MTDH: variants seen among roughly 807,000 people sequenced by gnomAD.
The protein encoded by MTDH is protein LYRIC.
MTDH carries 34 observed loss-of-function variants against 72.7 expected under a neutral mutation model. That is an observed-to-expected ratio of 0.47 (90% confidence interval 0.36 to 0.62). The LOEUF is 0.62. MTDH is among the 20% of genes least tolerant of loss of function. The pLI is 0.00. For synonymous variants in MTDH, 266 were observed against 268.9 expected, an observed-to-expected ratio of 0.99 and a Z score of 0.10; for missense variants, 677 against 699.4, an observed-to-expected ratio of 0.97 and a Z score of 0.36.
At chr8:97,675,832 A>G (rs560847442) in intron 2 of MTDH, among the ~76,000 whole-genome samples, 1 of 151,960 alleles carries the variant, frequency 6.6e-6, no homozygotes, top group Non-Finnish European at 1.5e-5. Context: ...AGATCATGCC[A>G]CTGCACTCCA....
Position 97,644,731 on chromosome 8 carries a change from C to G in MTDH, c.225C>G (p.Cys75Trp). 1 of 1,578,160 alleles carries G rather than the reference C, an allele frequency of 6.3e-7. No homozygotes were observed. The highest frequency in any genetic ancestry group is 2.4e-5 in the East Asian group (1 of 41,166). Residue 75 changes from cysteine to tryptophan, a missense_variant, in exon 1 of 12, where the codon TGC becomes TGG. Physicochemically the swap from Cys to Trp is radical, Grantham distance 215. Coordinates refer to ENST00000336273, the MANE Select transcript of MTDH (RefSeq NM_178812.4). ...FLLGYGWAAA[C>W]AGARKKRRSP... is the part of the protein sequence containing the mutation. ...TGGGCTACGGCTGGGCCGCGGCTTG[C>G]GCCGGCGCCCGCAAAAAGCGGAGGA... is the stretch of plus-strand genomic sequence containing the variant.
chr8:97,694,777 G>A (rs929257113), intron 6 of MTDH, among the ~76,000 whole-genome samples: 28 of 151,746 alleles, frequency 1.8e-4, no homozygotes, highest in African/African-American at 5.1e-4. Context: ...CAAAAAAATC[G>A]CTGGGCATGG....
In MTDH at chr8:97,730,024, G is replaced by C. The variant is rs139940371; in HGVS notation, c.*5354G>C. 6.6e-6 allele frequency among the ~76,000 whole-genome samples: 1 copy of C among 152,282 alleles called. No homozygotes were observed. Among genetic ancestry groups the C allele is most frequent in the Non-Finnish European group, 1.5e-5 (1 of 68,020 alleles). On this transcript the variant is annotated 3_prime_UTR_variant, in exon 12 of 12. Coordinates refer to ENST00000336273, the MANE Select transcript of MTDH (RefSeq NM_178812.4). ...CGATGATTTCTAACCCTAGCATCAT[G>C]ACATGTATATAGTGTGTTGTAAGAC...
At chr8:97,664,805 G>A (rs1370671784) in intron 2 of MTDH, among the ~76,000 whole-genome samples, 2 of 145,390 alleles carry the variant, frequency 1.4e-5, no homozygotes, top group Admixed American at 7.1e-5. Context: ...CTTGTTGCCC[G>A]GGCTGGAGTG....
intron 2 of MTDH, among the ~76,000 whole-genome samples, chr8:97,664,917 C>T (rs1238448108): frequency 6.6e-6 from 1 of 152,106 alleles, no homozygotes; most frequent in Middle Eastern, 3.2e-3. Context: ...CGCACCACCA[C>T]GCCCAGCTAT....
chr8:97,676,188 C>G (rs1320313720), intron 2 of MTDH, among the ~76,000 whole-genome samples: 1 of 152,190 alleles, frequency 6.6e-6, no homozygotes, highest in African/African-American at 2.4e-5. Context: ...GTTCCTCCCA[C>G]CTCTGTCTCC....
chr8:97,678,186 T>C (rs1165342551), intron 2 of MTDH, among the ~76,000 whole-genome samples: 2 of 152,204 alleles, frequency 1.3e-5, no homozygotes, highest in African/African-American at 2.4e-5. Flanking sequence ...TAAAGAGATA[T>C]CCACAAAGAT....
At chr8:97,653,506 T>C (rs1052695412) in intron 1 of MTDH, among the ~76,000 whole-genome samples, 43 of 152,164 alleles carry the variant, frequency 2.8e-4, no homozygotes, top group Admixed American at 2.0e-3. Context: ...GTGACAGGAT[T>C]TTTTCATCTT....
rs1363194842 is a variant in MTDH at position 97,697,129 on chromosome 8, A to AATAT, written c.1049-2606_1049-2603dup. Among the ~76,000 whole-genome samples the AATAT allele has an allele frequency of 3.5e-5, 3 of 85,764 alleles. 1 individual carries two copies. The highest frequency in any genetic ancestry group is 4.4e-4 in the South Asian group (1 of 2,280). The allele number at this position is 85,764 out of a possible 152,430, so 56.3% of individuals were successfully genotyped here. A position where few individuals can be genotyped will look rare whatever the true frequency, so the allele number is the denominator to read the frequency against. On this transcript the variant is annotated intron_variant, in intron 6 of 11. Coordinates refer to ENST00000336273, the MANE Select transcript of MTDH (RefSeq NM_178812.4). ...TGAGACTCTGTCTCACAAAAAAAAAAATATATATATATATATATATATTTT... is the reference window on the plus strand; with the variant it reads ...TGAGACTCTGTCTCACAAAAAAAAAAATATATATATATATATATATATATATTTT...
In MTDH at chr8:97,699,841, G is replaced by A; in HGVS notation, c.1136G>A (p.Trp379Ter). 1 of 1,608,226 alleles carries A rather than the reference G, an allele frequency of 6.2e-7. No homozygotes were observed. The highest frequency in any genetic ancestry group is 8.5e-7 in the Non-Finnish European group (1 of 1,175,438). Residue 379 changes from tryptophan to a stop codon, truncating the protein, a stop_gained, in exon 7 of 12, where the codon TGG (tryptophan) becomes TAG (stop). Coordinates refer to ENST00000336273, the MANE Select transcript of MTDH (RefSeq NM_178812.4). LOFTEE classifies it high-confidence loss of function. Reference sequence around the variant, plus strand: ...AATCAACCCTATATCGATGATGAATGGTCTGGGTTAAGTATGTCCTTTTAA... The same window carrying A: ...AATCAACCCTATATCGATGATGAATAGTCTGGGTTAAGTATGTCCTTTTAA... ...SRNQPYIDDE[W>*]SGLNGLSSAD...
chr8:97,653,060 A>G (rs916548829), intron 1 of MTDH, among the ~76,000 whole-genome samples: 1 of 151,930 alleles, frequency 6.6e-6, no homozygotes, highest in Non-Finnish European at 1.5e-5. Context: ...CGGAGGTTGC[A>G]GTGAGCCGAG....
chr8:97,697,875 T>TATA (rs1813934888), intron 6 of MTDH, among the ~76,000 whole-genome samples: 1 of 152,152 alleles, frequency 6.6e-6, no homozygotes, highest in African/African-American at 2.4e-5. Flanking sequence ...CACATGCTAT[T>TATA]CCCTTCATAT....
chr8:97,665,268 C>G (rs1022998075), intron 2 of MTDH, among the ~76,000 whole-genome samples: 1 of 152,104 alleles, frequency 6.6e-6, no homozygotes, highest in African/African-American at 2.4e-5. Context: ...TGCCTAGAAA[C>G]TGTATATGAC....
intron 11 of MTDH, 51 bp downstream of exon 11, chr8:97,723,086 G>C (rs528615550): frequency 1.3e-6 from 2 of 1,567,484 alleles, no homozygotes; most frequent in South Asian, 2.4e-5. Flanking sequence ...TTTTTCATGT[G>C]TTAAGGTTCT....
chr8:97,662,336 GC>G (rs1038152485), intron 2 of MTDH, among the ~76,000 whole-genome samples: 4 of 148,786 alleles, frequency 2.7e-5, no homozygotes, highest in African/African-American at 7.4e-5. Flanking sequence ...CACATCCAGA[GC>G]CCCTCCCCCT....
chr8:97,690,480 A>G (rs1244935806), intron 5 of MTDH, among the ~76,000 whole-genome samples: 2 of 152,164 alleles, frequency 1.3e-5, no homozygotes, highest in Admixed American at 6.6e-5. Flanking sequence ...GTACATACAT[A>G]CACTCTACAT....
At position 97,687,456 on chromosome 8, in the gene MTDH, G is replaced by A. The variant is rs11998518; in HGVS notation, c.596G>A (p.Arg199Lys). ...GCCTGGGAAACTAAAATTAGTCACA[G>A]AGAGAAACGACAGCAGCGTAAACGT... ...EGAWETKISHREKRQQRKRDK... is the reference protein window; with the variant it reads ...EGAWETKISHKEKRQQRKRDK... The change falls in exon 4 of 12, where the codon AGA becomes AAA. Residue 199 changes from arginine to lysine, a missense_variant. By Grantham distance (26) the Arg-to-Lys change is conservative. Transcript: ENST00000336273. The A allele has an allele frequency of 9.4e-6, 15 of 1,600,364 alleles. No homozygotes were observed. In the African/African-American group the frequency reaches 2.0e-4, roughly 22 times the overall value.
intron 2 of MTDH, among the ~76,000 whole-genome samples, chr8:97,677,968 C>T (rs2130975561): frequency 6.6e-6 from 1 of 152,290 alleles, no homozygotes; most frequent in Non-Finnish European, 1.5e-5. Flanking sequence ...AACAATATTA[C>T]AGCCAATCAA....
Position 97,722,975 on chromosome 8 carries a change from C to T in MTDH, c.1618C>T (p.Leu540=). The change falls in exon 11 of 12, where the codon CTA becomes TTA. Residue 540 remains leucine (L), a synonymous_variant. Coordinates refer to ENST00000336273, the MANE Select transcript of MTDH (RefSeq NM_178812.4). The stretch of plus-strand genomic sequence containing the variant: ...GAGCTCTTCCCAAGTGCCGCCAATA[C>T]TACAAGAGACAGATAAATCCAAGTC... ...DKSSSQVPPI[L]QETDKSKSNT... 1 of 1,614,118 alleles carries T rather than the reference C, an allele frequency of 6.2e-7. No homozygotes were observed. Among genetic ancestry groups the T allele is most frequent in the Non-Finnish European group, 8.5e-7 (1 of 1,179,990 alleles).
Sources: gnomAD v4.1 joint callset for allele counts (sites outside exome capture counted in the v4.1 genomes callset) on GRCh38, gnomAD v4.1.1 for gene constraint, MANE v1.5 for transcripts, NCBI Gene and HGNC (gene_info 2026-07-23, HGNC 2026-07-21) for gene names.